The following PARN variants were observed in gnomAD, a reference collection of about 807,000 sequenced individuals.
PARN encodes poly(A)-specific ribonuclease.
PARN carries 71 observed loss-of-function variants against 102.8 expected under a neutral mutation model. The observed-to-expected ratio is 0.69, with a 90% CI of 0.57 to 0.84. The LOEUF (loss-of-function observed/expected upper bound fraction) is 0.84. Among genes scored for constraint, PARN ranks in the 40% least tolerant of loss-of-function variants. PARN has a pLI of 0.00. For missense variants in PARN, 782 were observed against 760.9 expected (o/e 1.03, Z -0.33); for synonymous variants, 261 against 252.9 (o/e 1.03, Z -0.30).
chr16:14,499,998 G>A (rs184487221), intron 21 of PARN, among the ~76,000 whole-genome samples: 262 of 152,234 alleles, frequency 1.7e-3, no homozygotes, highest in African/African-American at 5.9e-3. Flanking sequence ...CACAAATTAG[G>A]AAACTGAAAA....
In PARN at chr16:14,520,176, A is replaced by T. The variant is rs530194910; in HGVS notation, c.1480+31845T>A. On this transcript the variant is annotated intron_variant, in intron 21 of 23. Transcript: ENST00000437198. ...TTCAGACTGTAAGAAATGCTACAGG[A>T]CGAATAACCTTGCTTCTTCAACAAA... 2.0e-5 allele frequency among the ~76,000 whole-genome samples: 3 copies of T among 152,334 alleles called. No homozygotes were observed. The South Asian group carries it at 6.2e-4, about 32-fold the overall frequency.
intron 22 of PARN, among the ~76,000 whole-genome samples, chr16:14,477,199 G>A (rs1437632128): frequency 6.6e-6 from 1 of 152,136 alleles, no homozygotes; most frequent in Non-Finnish European, 1.5e-5. Context: ...CAGCACTTTG[G>A]GAGGTCAAGG....
At chr16:14,627,379 A>G (rs972042415) in intron 3 of PARN, 43 bp from the exon 4 acceptor site, 2 of 1,391,966 alleles carry the variant, frequency 1.4e-6, no homozygotes, top group African/African-American at 1.4e-5. Flanking sequence ...AGTGCTGCAT[A>G]TTCCATGTGA....
chr16:14,599,004 T>TA (rs2151777947), intron 12 of PARN, among the ~76,000 whole-genome samples: 1 of 151,012 alleles, frequency 6.6e-6, no homozygotes, highest in African/African-American at 2.4e-5. Flanking sequence ...TTTACCTATG[T>TA]AAAATGCGGA....
chr16:14,590,118 GC>G (rs113028121), intron 13 of PARN, among the ~76,000 whole-genome samples: 19 of 150,926 alleles, frequency 1.3e-4, no homozygotes, highest in Admixed American at 4.6e-4. Flanking sequence ...GGGCATGGTG[GC>G]GGGCGCCTGT....
intron 23 of PARN, among the ~76,000 whole-genome samples, chr16:14,441,829 T>C (rs1202147395): frequency 6.6e-6 from 1 of 152,236 alleles, no homozygotes; most frequent in African/African-American, 2.4e-5. Context: ...ATCTTGTTTC[T>C]GACTTTAAGG....
At chr16:14,479,921 A>C (rs1384369568) in intron 22 of PARN, among the ~76,000 whole-genome samples, 4 of 122,104 alleles carry the variant, frequency 3.3e-5, no homozygotes, top group East Asian at 2.0e-4. Context: ...ACCTTCTACC[A>C]AAAAAAAAAA....
chr16:14,537,397 T>G (rs886585279), intron 21 of PARN, among the ~76,000 whole-genome samples: 4 of 152,112 alleles, frequency 2.6e-5, no homozygotes, highest in Non-Finnish European at 5.9e-5. Context: ...CTCAAAAAAT[T>G]AGAAACAGAA....
chr16:14,563,522 G>GTGTGTGTGTA (rs1423811963), intron 18 of PARN, among the ~76,000 whole-genome samples: 3 of 149,266 alleles, frequency 2.0e-5, no homozygotes, highest in Middle Eastern at 3.4e-3. Flanking sequence ...GTGTGTGTGT[G>GTGTGTGTGTA]TATATAATTC....
At chr16:14,586,126 C>G (rs973919766) in intron 14 of PARN, among the ~76,000 whole-genome samples, 192 bp downstream of exon 14, 1 of 151,724 alleles carries the variant, frequency 6.6e-6, no homozygotes. Context: ...CCACACGTAT[C>G]CCACCACACC....
chr16:14,623,335 G>A (rs985815330), intron 5 of PARN, among the ~76,000 whole-genome samples: 1 of 151,654 alleles, frequency 6.6e-6, no homozygotes, highest in East Asian at 2.0e-4. Flanking sequence ...CCAACATGGT[G>A]AAACCCCGTC....
At chr16:14,625,767 C>T (rs761244060) in intron 5 of PARN, among the ~76,000 whole-genome samples, 1 of 152,238 alleles carries the variant, frequency 6.6e-6, no homozygotes, top group Admixed American at 6.5e-5. Context: ...AGCCTACCCT[C>T]GAGGCTTTCA....
chr16:14,562,785 G>C (rs901195664), intron 18 of PARN, among the ~76,000 whole-genome samples: 13 of 152,166 alleles, frequency 8.5e-5, no homozygotes, highest in African/African-American at 3.1e-4. Context: ...ACTTGAGGGA[G>C]TAACACACAC....
intron 21 of PARN, among the ~76,000 whole-genome samples, chr16:14,504,401 T>C (rs1474409596): frequency 6.6e-6 from 1 of 151,596 alleles, no homozygotes. Context: ...CTAATAAAAA[T>C]ACAAAAAATT....
rs527366724 is a variant in PARN, at chr16:14,530,556, A to T, written c.1480+21465T>A. ...AAAAAGGTTACATTAAAAAAAAAAA[A>T]CTATATTATATAAGACACACTGACA... On this transcript the variant is annotated intron_variant, in intron 21 of 23. Coordinates refer to ENST00000437198, the MANE Select transcript of PARN (RefSeq NM_002582.4). 1.9e-4 allele frequency among the ~76,000 whole-genome samples: 29 copies of T among 151,600 alleles called. 2 individuals carry two copies. The highest frequency in any genetic ancestry group is 6.3e-4 in the African/African-American group (26 of 41,266).
chr16:14,465,244 C>T (rs910845810), intron 22 of PARN, among the ~76,000 whole-genome samples: 13 of 151,942 alleles, frequency 8.6e-5, no homozygotes, highest in African/African-American at 2.4e-4. Flanking sequence ...CCACCAAGCT[C>T]GGCTAATTTT....
intron 21 of PARN, among the ~76,000 whole-genome samples, chr16:14,485,925 T>C (rs1336041855): frequency 6.6e-6 from 1 of 152,152 alleles, no homozygotes; most frequent in Admixed American, 6.5e-5. Flanking sequence ...TGAGCTCAAG[T>C]GATTCGCCTG....
At chr16:14,487,122 C>T (rs576637828) in intron 21 of PARN, among the ~76,000 whole-genome samples, 13 of 152,330 alleles carry the variant, frequency 8.5e-5, no homozygotes, top group African/African-American at 3.1e-4. Flanking sequence ...AGCATCAACG[C>T]GGTTGTCTCT....
intron 13 of PARN, among the ~76,000 whole-genome samples, chr16:14,587,236 C>A (rs970523315): frequency 2.0e-5 from 3 of 152,080 alleles, no homozygotes; most frequent in African/African-American, 4.8e-5. Context: ...CATGAACAGG[C>A]GATTTCAATG....
Sources: gnomAD v4.1 joint callset for allele counts (sites outside exome capture counted in the v4.1 genomes callset) on GRCh38, gnomAD v4.1.1 for gene constraint, MANE v1.5 for transcripts, NCBI Gene and HGNC (gene_info 2026-07-23, HGNC 2026-07-21) for gene names.